Variants in TFDP2 observed in about 807,000 individuals in gnomAD.
TFDP2 encodes transcription factor Dp-2.
In TFDP2, 17 loss-of-function variants were observed where a neutral mutation model predicts 59.3. The observed-to-expected ratio is 0.29, with a 90% CI of 0.20 to 0.43. TFDP2 has a LOEUF of 0.43. Among genes scored for constraint, TFDP2 ranks in the 20% least tolerant of loss-of-function variants. TFDP2 has a pLI of 1.00. For missense variants in TFDP2, 391 were observed against 528.8 expected, an observed-to-expected ratio of 0.74 and a Z score of 2.56; for synonymous variants, 180 against 194.7, an observed-to-expected ratio of 0.92 and a Z score of 0.63.
At chr3:142,054,652 T>C (rs936211873) in intron 3 of TFDP2, among the ~76,000 whole-genome samples, 4 of 152,206 alleles carry the variant, frequency 2.6e-5, no homozygotes, top group African/African-American at 9.7e-5. Context: ...AGTATGCATA[T>C]TGCAATGAAG....
At chr3:141,955,770 TAAAC>T (rs1211075278) in intron 11 of TFDP2, among the ~76,000 whole-genome samples, 2 of 152,306 alleles carry the variant, frequency 1.3e-5, no homozygotes, top group South Asian at 2.1e-4. Flanking sequence ...ACAAATAAAA[TAAAC>T]AAAAGAAAGC....
intron 3 of TFDP2, among the ~76,000 whole-genome samples, chr3:142,027,758 G>C (rs988626295): frequency 6.6e-6 from 1 of 152,002 alleles, no homozygotes; most frequent in Non-Finnish European, 1.5e-5. Context: ...CATATATTCC[G>C]GGGTCATTAA....
chr3:141,978,333 A>T (rs887777378), intron 7 of TFDP2, among the ~76,000 whole-genome samples, 187 bp downstream of exon 7: 1 of 144,110 alleles, frequency 6.9e-6, no homozygotes, highest in African/African-American at 2.7e-5. Flanking sequence ...CGACAGAGTG[A>T]GGTTCCGCCT....
intron 3 of TFDP2, among the ~76,000 whole-genome samples, chr3:142,088,363 C>T (rs1265448483): frequency 6.6e-6 from 1 of 151,154 alleles, no homozygotes; most frequent in Non-Finnish European, 1.5e-5. Flanking sequence ...CAGAGTTTCA[C>T]TCTATCCCCC....
intron 9 of TFDP2, among the ~76,000 whole-genome samples, chr3:141,969,091 CA>C (rs1939118832): frequency 2.3e-5 from 1 of 43,218 alleles, no homozygotes; most frequent in South Asian, 6.3e-4. Flanking sequence ...ATATATATAA[CA>C]TATATATATA....
chr3:141,947,026 C>T lies in TFDP2; in HGVS notation c.*5487G>A, dbSNP rs946727547. On this transcript the variant is annotated 3_prime_UTR_variant, in exon 13 of 13. Coordinates refer to ENST00000489671, the MANE Select transcript of TFDP2 (RefSeq NM_001178139.2). ...TGGGCAACAGAGCAAGACTCCATCT[C>T]GAGGGGAAAAAAAATATTATGCAAA... The T allele has an allele frequency of 5.3e-5, 8 of 152,000 alleles. No homozygotes were observed. The highest frequency in any genetic ancestry group is 1.3e-4 in the Admixed American group (2 of 15,242). 9.4% of individuals were successfully genotyped at this position (152,000 alleles called of 1,614,324 possible).
At position 141,952,988 on chromosome 3, in the gene TFDP2, AT is replaced by A; in HGVS notation, c.1079del (p.Asn360IlefsTer6). On this transcript the variant is annotated frameshift_variant, in exon 12 of 13. Transcript: ENST00000489671. LOFTEE classifies it high-confidence loss of function. ...GGGTAGAGTTCAGAAGTAGTCCCTG[AT>A]TTAACCAAGAAGGTCCTGTGGAGAT... is the stretch of plus-strand genomic sequence containing the variant. Reference protein sequence around the residue: ...TDISTGPSWLNQGLLLNSTQS... With the variant: ...TDISTGPSWLXQGLLLNSTQS... 6.2e-7 allele frequency: 1 copy of A among 1,614,104 alleles called. No homozygotes were observed. Among genetic ancestry groups the A allele is most frequent in the South Asian group, 1.1e-5 (1 of 91,076 alleles).
intron 3 of TFDP2, among the ~76,000 whole-genome samples, chr3:142,082,212 C>A (rs1172847150): frequency 3.3e-5 from 5 of 152,174 alleles, no homozygotes; most frequent in African/African-American, 1.2e-4. Flanking sequence ...AATCTCATGC[C>A]TGATGATGAT....
intron 3 of TFDP2, among the ~76,000 whole-genome samples, chr3:142,011,929 G>A (rs975790516): frequency 6.6e-6 from 1 of 151,998 alleles, no homozygotes; most frequent in African/African-American, 2.4e-5. Context: ...TTTAATTAGA[G>A]AGGAATAAAC....
intron 3 of TFDP2, among the ~76,000 whole-genome samples, chr3:142,023,904 G>A (rs1945867856): frequency 6.6e-6 from 1 of 152,166 alleles, no homozygotes. Flanking sequence ...GGGCTCAAGG[G>A]ATCCTCCCAC....
intron 3 of TFDP2, among the ~76,000 whole-genome samples, chr3:142,057,292 A>T (rs1411064334): frequency 6.6e-6 from 1 of 152,230 alleles, no homozygotes; most frequent in African/African-American, 2.4e-5. Context: ...GACGAAATTT[A>T]AAAAAATACT....
chr3:142,096,222 A>C (rs755283998), intron 2 of TFDP2, among the ~76,000 whole-genome samples: 8 of 152,324 alleles, frequency 5.3e-5, no homozygotes, highest in Middle Eastern at 3.4e-3. Flanking sequence ...TTGTATTTAA[A>C]GCTTATATAT....
chr3:142,047,285 T>C (rs1947388494), intron 3 of TFDP2, among the ~76,000 whole-genome samples: 1 of 152,180 alleles, frequency 6.6e-6, no homozygotes, highest in Admixed American at 6.5e-5. Flanking sequence ...ACTCCCCTCC[T>C]TTGAGCTATG....
chr3:141,964,096 A>C (rs1937604334), intron 9 of TFDP2, 133 bp from the exon 10 acceptor site: 1 of 728,814 alleles, frequency 1.4e-6, no homozygotes, highest in East Asian at 3.0e-5. Flanking sequence ...CTAATGAATT[A>C]ATTTAAAAAA....
At chr3:142,060,687 G>C (rs564181839) in intron 3 of TFDP2, among the ~76,000 whole-genome samples, 3 of 151,536 alleles carry the variant, frequency 2.0e-5, no homozygotes, top group African/African-American at 7.3e-5. Context: ...CAAGACAATA[G>C]CAAGAATGGA....
At chr3:142,073,932 T>C (rs563831973) in intron 3 of TFDP2, among the ~76,000 whole-genome samples, 7 of 152,166 alleles carry the variant, frequency 4.6e-5, no homozygotes, top group Admixed American at 2.0e-4. Context: ...TTCAGAGAAA[T>C]AGAAAAGCTG....
chr3:142,066,255 T>C (rs773877606), intron 3 of TFDP2, among the ~76,000 whole-genome samples: 13 of 152,216 alleles, frequency 8.5e-5, no homozygotes, highest in Admixed American at 6.5e-4. Flanking sequence ...TTCAAAAATG[T>C]TATAAAACCT....
intron 3 of TFDP2, among the ~76,000 whole-genome samples, chr3:142,078,729 A>C (rs2060544134): frequency 3.9e-5 from 6 of 152,172 alleles, no homozygotes; most frequent in Admixed American, 3.9e-4. Context: ...ATAACTCGTC[A>C]ATGTTCAGAC....
chr3:142,063,194 A>G (rs2059975302), intron 3 of TFDP2, among the ~76,000 whole-genome samples: 1 of 152,236 alleles, frequency 6.6e-6, no homozygotes, highest in Non-Finnish European at 1.5e-5. Flanking sequence ...ACAGTCAATC[A>G]TAATCTCACA....
Sources: gnomAD v4.1 joint callset for allele counts (sites outside exome capture counted in the v4.1 genomes callset) on GRCh38, gnomAD v4.1.1 for gene constraint, MANE v1.5 for transcripts, NCBI Gene and HGNC (gene_info 2026-07-23, HGNC 2026-07-21) for gene names.